Variants in TENM3 observed in about 807,000 individuals in gnomAD.
The protein encoded by TENM3 is teneurin transmembrane protein 3.
A neutral mutation model predicts 255.1 loss-of-function variants in TENM3; 63 were observed. The ratio of observed to expected loss-of-function variants is 0.25; its 90% CI spans 0.20 to 0.30. TENM3 has a LOEUF of 0.30. Among genes scored for constraint, TENM3 ranks in the 10% least tolerant of loss-of-function variants. TENM3 has a pLI of 1.00. For synonymous variants in TENM3, 1,306 were observed against 1,322.3 expected (o/e 0.99, Z 0.27); for missense variants, 2,929 against 3,461.1 (o/e 0.85, Z 3.86).
chr4:182,115,990 C>G, the TENM3 span, among the ~76,000 whole-genome samples: 1 of 152,228 alleles, frequency 6.6e-6, no homozygotes, highest in African/African-American at 2.4e-5. Flanking sequence ...AATCAACATC[C>G]CACAACACAG....
At chr4:182,066,660 C>T in the TENM3 span, among the ~76,000 whole-genome samples, 1 of 150,878 alleles carries the variant, frequency 6.6e-6, no homozygotes, top group Non-Finnish European at 1.5e-5. Context: ...CCTATAATCC[C>T]AGCACTTTCG....
the TENM3 span, among the ~76,000 whole-genome samples, chr4:182,104,767 G>T: frequency 5.9e-5 from 9 of 151,996 alleles, no homozygotes; most frequent in Admixed American, 5.9e-4. Flanking sequence ...GCCCACCTTG[G>T]CCTCCCAAAG....
At chr4:182,073,941 G>A in the TENM3 span, among the ~76,000 whole-genome samples, 1 of 152,176 alleles carries the variant, frequency 6.6e-6, no homozygotes, top group Non-Finnish European at 1.5e-5. Context: ...TCACTTTGCA[G>A]ACAAGGCAGG....
chr4:182,226,022 A>G (rs1202766580), intron 1 of TENM3, among the ~76,000 whole-genome samples: 2 of 152,210 alleles, frequency 1.3e-5, no homozygotes, highest in African/African-American at 2.4e-5. Flanking sequence ...TGAGTATTTT[A>G]TAATATAGCT....
the TENM3 span, among the ~76,000 whole-genome samples, chr4:181,745,571 G>A: frequency 2.6e-5 from 4 of 152,176 alleles, no homozygotes; most frequent in Admixed American, 6.5e-5. Flanking sequence ...CCTACAGCAA[G>A]ACTGCAGGCT....
the TENM3 span, among the ~76,000 whole-genome samples, chr4:181,718,426 T>C: frequency 1.3e-5 from 2 of 152,198 alleles, no homozygotes; most frequent in Non-Finnish European, 2.9e-5. Context: ...TTGAGTCCCA[T>C]CTCACCCATT....
At chr4:181,713,156 T>A in the TENM3 span, among the ~76,000 whole-genome samples, 19 of 152,182 alleles carry the variant, frequency 1.2e-4, no homozygotes, top group African/African-American at 4.6e-4. Context: ...TGAAAAATAA[T>A]TACAGGCAAA....
intron 22 of TENM3, among the ~76,000 whole-genome samples, chr4:182,763,438 A>C (rs185090923): frequency 6.6e-6 from 1 of 152,096 alleles, no homozygotes; most frequent in African/African-American, 2.4e-5. Context: ...GGTGGCGGGC[A>C]TCTGTAGTCC....
chr4:182,749,021 T>C (rs1326903128), intron 19 of TENM3, among the ~76,000 whole-genome samples: 1 of 152,110 alleles, frequency 6.6e-6, no homozygotes, highest in Non-Finnish European at 1.5e-5. Context: ...CTGATGACAA[T>C]AAAGGCAAAG....
intron 3 of TENM3, among the ~76,000 whole-genome samples, chr4:182,509,189 G>A (rs184612158): frequency 6.6e-6 from 1 of 152,270 alleles, no homozygotes; most frequent in East Asian, 1.9e-4. Flanking sequence ...ATTTCAAACC[G>A]AATTTAATGA....
the TENM3 span, among the ~76,000 whole-genome samples, chr4:181,609,136 G>A: frequency 6.6e-6 from 1 of 152,186 alleles, no homozygotes; most frequent in African/African-American, 2.4e-5. Context: ...GTAAGGCAGG[G>A]GCCAGGAATG....
chr4:182,731,821 G>C (rs1181374976), intron 16 of TENM3, among the ~76,000 whole-genome samples: 1 of 146,240 alleles, frequency 6.8e-6, no homozygotes, highest in South Asian at 2.2e-4. Flanking sequence ...TCGCTCTGTC[G>C]CCCAGGCTGG....
At chr4:182,484,145 C>G (rs894250756) in intron 3 of TENM3, among the ~76,000 whole-genome samples, 20 of 152,142 alleles carry the variant, frequency 1.3e-4, no homozygotes, top group Admixed American at 3.9e-4. Flanking sequence ...CAGCAAACAT[C>G]AAGTGCCAGG....
chr4:182,263,190 A>T (rs1177827295), intron 1 of TENM3, among the ~76,000 whole-genome samples: 3 of 152,006 alleles, frequency 2.0e-5, no homozygotes, highest in African/African-American at 7.2e-5. Context: ...GGGTCCTATA[A>T]CGTCTTGCGA....
At chr4:182,407,952 T>C (rs970659041) in intron 3 of TENM3, among the ~76,000 whole-genome samples, 5 of 152,224 alleles carry the variant, frequency 3.3e-5, no homozygotes, top group African/African-American at 1.2e-4. Context: ...ATATATGCAC[T>C]TACCTTGAGA....
the TENM3 span, among the ~76,000 whole-genome samples, chr4:181,945,397 C>G: frequency 6.6e-6 from 1 of 152,052 alleles, no homozygotes; most frequent in Non-Finnish European, 1.5e-5. Flanking sequence ...GATGGCCGCT[C>G]GGAGCACGTG....
chr4:182,570,270 C>T (rs1448812029), intron 3 of TENM3, among the ~76,000 whole-genome samples: 1 of 151,992 alleles, frequency 6.6e-6, no homozygotes, highest in Non-Finnish European at 1.5e-5. Flanking sequence ...AAGATTGCTC[C>T]AAGTTTTCTA....
chr4:182,295,425 G>A (rs909269689), intron 1 of TENM3, among the ~76,000 whole-genome samples: 1 of 151,568 alleles, frequency 6.6e-6, no homozygotes, highest in African/African-American at 2.4e-5. Flanking sequence ...CTGCCACCAC[G>A]CCCAGCTAAT....
At chr4:181,901,378 C>T in the TENM3 span, among the ~76,000 whole-genome samples, 2 of 152,142 alleles carry the variant, frequency 1.3e-5, no homozygotes, top group Non-Finnish European at 1.5e-5. Flanking sequence ...AGCCTCTAGC[C>T]TGTCCTATGG....
Sources: gnomAD v4.1 joint callset for allele counts (sites outside exome capture counted in the v4.1 genomes callset) on GRCh38, gnomAD v4.1.1 for gene constraint, MANE v1.5 for transcripts, NCBI Gene and HGNC (gene_info 2026-07-23, HGNC 2026-07-21) for gene names.